CEP63: variants seen among roughly 807,000 people sequenced by gnomAD.
The protein encoded by CEP63 is centrosomal protein of 63 kDa.
CEP63 carries 84 observed loss-of-function variants against 89.1 expected under a neutral mutation model. That is an observed-to-expected ratio of 0.94 (90% confidence interval 0.79 to 1.13). The LOEUF (loss-of-function observed/expected upper bound fraction) is 1.13. Ranked by LOEUF, CEP63 falls within the 50% of genes most tolerant of loss-of-function variation. The pLI is 0.00. For missense variants in CEP63, 838 were observed against 813.3 expected (o/e 1.03, Z -0.37); for synonymous variants, 267 against 272.5 (o/e 0.98, Z 0.20).
At position 134,561,563 on chromosome 3, in the gene CEP63, A is replaced by C; in HGVS notation, c.*28A>C. On this transcript the variant is annotated 3_prime_UTR_variant, in exon 15 of 15. Coordinates refer to ENST00000675561, the MANE Select transcript of CEP63 (RefSeq NM_001353108.3). Reference sequence around the variant, plus strand: ...TCTTAAAAAAATCACTATCTTGGAAATAAAAATAAACACCAAAGAGTTACT... The same window carrying C: ...TCTTAAAAAAATCACTATCTTGGAACTAAAAATAAACACCAAAGAGTTACT... The C allele has an allele frequency of 6.3e-7, 1 of 1,595,872 alleles. No individual in the cohort carries two copies. The highest frequency in any genetic ancestry group is 8.6e-7 in the Non-Finnish European group (1 of 1,169,458).
At chr3:134,540,503 T>A (rs1951783323) in intron 6 of CEP63, among the ~76,000 whole-genome samples, 1 of 152,192 alleles carries the variant, frequency 6.6e-6, no homozygotes, top group Non-Finnish European at 1.5e-5. Context: ...TTTTCTCCAA[T>A]GATGGATTGA....
downstream of CEP63, among the ~76,000 whole-genome samples, chr3:134,567,692 G>A (rs1261453045): frequency 6.6e-6 from 1 of 152,192 alleles, no homozygotes; most frequent in African/African-American, 2.4e-5. Context: ...ATATTGTGGG[G>A]CAGAGGGCCA....
chr3:134,651,723 T>TAGA, the CEP63 span: 1 of 637,908 alleles, frequency 1.6e-6, no homozygotes, highest in South Asian at 6.9e-5. Flanking sequence ...CGGTTCGTTC[T>TAGA]AGAAGCCTGG....
chr3:134,755,724 T>A, the CEP63 span: 1 of 152,222 alleles, frequency 6.6e-6, no homozygotes, highest in Non-Finnish European at 1.5e-5. Flanking sequence ...CTGCGTAGCC[T>A]GGATACCTGT....
the CEP63 span, chr3:134,620,639 C>T: frequency 1.3e-6 from 1 of 746,430 alleles, no homozygotes; most frequent in Non-Finnish European, 2.3e-6. Flanking sequence ...GGGTCCCTGT[C>T]CCCCACCTTT....
chr3:134,541,994 T>C (rs1157370728), intron 6 of CEP63, among the ~76,000 whole-genome samples: 2 of 152,224 alleles, frequency 1.3e-5, no homozygotes, highest in Non-Finnish European at 2.9e-5. Context: ...TTTAGAAGGC[T>C]ACTTTTTCTG....
chr3:134,520,226 G>A (rs369037077), intron 3 of CEP63, among the ~76,000 whole-genome samples: 6 of 152,126 alleles, frequency 3.9e-5, no homozygotes, highest in African/African-American at 1.4e-4. Context: ...TGAAATAGTA[G>A]ATTTGCTGAG....
At chr3:134,764,576 G>C in the CEP63 span, among the ~76,000 whole-genome samples, 2 of 152,134 alleles carry the variant, frequency 1.3e-5, no homozygotes, top group African/African-American at 4.8e-5. Context: ...CATAGACTTT[G>C]GAAAGAGCTT....
At chr3:134,645,125 C>T in the CEP63 span, among the ~76,000 whole-genome samples, 2 of 152,176 alleles carry the variant, frequency 1.3e-5, no homozygotes, top group Admixed American at 6.5e-5. Flanking sequence ...AGCTGTGGGG[C>T]GTCTGTCCCT....
At chr3:134,641,909 C>G in the CEP63 span, among the ~76,000 whole-genome samples, 2 of 152,196 alleles carry the variant, frequency 1.3e-5, no homozygotes, top group African/African-American at 4.8e-5. Context: ...CTAATCCACT[C>G]TCATTATAGC....
At chr3:134,650,963 T>C in the CEP63 span, 1 of 1,613,080 alleles carries the variant, frequency 6.2e-7, no homozygotes, top group Non-Finnish European at 8.5e-7. Context: ...AGCTCCATGA[T>C]GCCGCCTCCT....
the CEP63 span, among the ~76,000 whole-genome samples, chr3:134,636,092 A>G: frequency 6.6e-6 from 1 of 152,248 alleles, no homozygotes; most frequent in East Asian, 1.9e-4. Context: ...ACTCAGATAC[A>G]TACATCTTTG....
intron 3 of CEP63, among the ~76,000 whole-genome samples, chr3:134,520,135 A>G (rs902801978): frequency 2.0e-5 from 3 of 152,180 alleles, no homozygotes; most frequent in Admixed American, 6.5e-5. Flanking sequence ...AGAGAGGAAG[A>G]AATACCACTG....
intron 5 of CEP63, chr3:134,536,929 A>C (rs548199533): frequency 1.9e-6 from 1 of 518,838 alleles, no homozygotes; most frequent in Non-Finnish European, 3.6e-6. Context: ...ACTCCTCACC[A>C]TCAGGGTGTT....
chr3:134,781,472 G>A, the CEP63 span, among the ~76,000 whole-genome samples: 1 of 152,216 alleles, frequency 6.6e-6, no homozygotes, highest in Non-Finnish European at 1.5e-5. Flanking sequence ...GGACACAAAG[G>A]TGGGAACAAC....
chr3:134,567,152 C>CAAAAAAAAAAAA (rs57656773), downstream of CEP63, among the ~76,000 whole-genome samples: 1 of 141,420 alleles, frequency 7.1e-6, no homozygotes, highest in Non-Finnish European at 1.5e-5. Context: ...AGGAAGAAAG[C>CAAAAAAAAAAAA]AAAAAAAAAA....
At chr3:134,507,466 A>G (rs1943756426) in intron 3 of CEP63, among the ~76,000 whole-genome samples, 180 bp downstream of exon 3, 1 of 152,058 alleles carries the variant, frequency 6.6e-6, no homozygotes, top group South Asian at 2.1e-4. Flanking sequence ...TAAGAATGTT[A>G]TCATTTATTT....
the CEP63 span, among the ~76,000 whole-genome samples, chr3:134,717,501 G>A: frequency 5.3e-5 from 8 of 152,324 alleles, no homozygotes; most frequent in South Asian, 1.7e-3. Flanking sequence ...CTAGAGTAGT[G>A]TAGAAGAGTT....
chr3:134,620,901 G>A, the CEP63 span: 4 of 1,173,034 alleles, frequency 3.4e-6, no homozygotes, highest in Non-Finnish European at 5.0e-6. Context: ...CTCGAGGAGG[G>A]GCTGTTGGGG....
Sources: gnomAD v4.1 joint callset for allele counts (sites outside exome capture counted in the v4.1 genomes callset) on GRCh38, gnomAD v4.1.1 for gene constraint, MANE v1.5 for transcripts, NCBI Gene and HGNC (gene_info 2026-07-23, HGNC 2026-07-21) for gene names.